Variants in ASTN2 observed in about 807,000 individuals in gnomAD.
ASTN2 encodes astrotactin 2.
A neutral mutation model predicts 139.8 loss-of-function variants in ASTN2; 54 were observed. That is an observed-to-expected ratio of 0.39 (90% CI 0.31 to 0.48). ASTN2 has a LOEUF of 0.48. Ranked by LOEUF, ASTN2 falls within the 20% of genes least tolerant of loss-of-function variation. ASTN2 has a pLI of 0.95. For synonymous variants in ASTN2, 756 were observed against 719.5 expected (o/e 1.05, Z -0.81); for missense variants, 1,565 against 1,725.1 (o/e 0.91, Z 1.64).
intron 1 of ASTN2, among the ~76,000 whole-genome samples, chr9:117,352,332 G>A (rs1226387887): frequency 1.3e-5 from 2 of 152,150 alleles, no homozygotes; most frequent in East Asian, 1.9e-4. Flanking sequence ...TGAGGAACAT[G>A]GGCCACCATC....
rs117059385 is a variant in ASTN2, at chr9:116,721,373, T to C, written c.2806+4398A>G. On this transcript the variant is annotated intron_variant, in intron 16 of 22. Coordinates refer to ENST00000313400, the MANE Select transcript of ASTN2 (RefSeq NM_001365068.1). ...TATACAGTGAACCCTCATCATGATA[T>C]AAAGCTCATGTATCATGATCACAGC... Among the ~76,000 whole-genome samples, 7 of 152,272 alleles carry C rather than the reference T, an allele frequency of 4.6e-5. No homozygotes were observed. In the East Asian group the frequency reaches 1.4e-3, roughly 29 times the overall value.
At chr9:117,228,785 C>T (rs180973533) in intron 2 of ASTN2, among the ~76,000 whole-genome samples, 7 of 151,978 alleles carry the variant, frequency 4.6e-5, no homozygotes, top group African/African-American at 1.5e-4. Context: ...GAGGCCGAGG[C>T]GGGTGGATCA....
At chr9:116,687,156 G>C (rs1426786175) in intron 16 of ASTN2, 1 of 1,071,956 alleles carries the variant, frequency 9.3e-7, no homozygotes, top group African/African-American at 1.6e-5. Flanking sequence ...GTGTCGCTAA[G>C]GCCCCGGGTT....
intron 5 of ASTN2, among the ~76,000 whole-genome samples, chr9:117,050,359 GAGC>G (rs771890386): frequency 3.4e-4 from 51 of 152,058 alleles, no homozygotes; most frequent in Non-Finnish European, 6.2e-4. Flanking sequence ...GTGAAAATAG[GAGC>G]AGGAGAATAA....
At chr9:116,752,863 A>G (rs1025779205) in intron 13 of ASTN2, among the ~76,000 whole-genome samples, 5 of 152,184 alleles carry the variant, frequency 3.3e-5, no homozygotes, top group Non-Finnish European at 7.4e-5. Context: ...AACATTAACA[A>G]CAACAAATGC....
intron 4 of ASTN2, among the ~76,000 whole-genome samples, chr9:117,110,758 G>T (rs1042908415): frequency 6.6e-5 from 10 of 152,308 alleles, no homozygotes; most frequent in Non-Finnish European, 1.2e-4. Flanking sequence ...CATCTTCAAG[G>T]TTCTTCCTTT....
intron 16 of ASTN2, among the ~76,000 whole-genome samples, chr9:116,673,450 T>C (rs1381223357): frequency 6.6e-6 from 1 of 152,224 alleles, no homozygotes; most frequent in African/African-American, 2.4e-5. Context: ...ATCAGTGGAA[T>C]TGTGTCCTCC....
At chr9:116,807,320 C>T (rs1831054484) in intron 12 of ASTN2, among the ~76,000 whole-genome samples, 1 of 152,114 alleles carries the variant, frequency 6.6e-6, no homozygotes, top group Non-Finnish European at 1.5e-5. Context: ...GAACTGGAGG[C>T]AGAAAGAAGA....
chr9:116,470,525 T>TA (rs1222730345), intron 20 of ASTN2, among the ~76,000 whole-genome samples: 22 of 152,266 alleles, frequency 1.4e-4, no homozygotes, highest in Non-Finnish European at 5.9e-5. Context: ...ATAGTGATAA[T>TA]AAAAAAACAC....
chr9:117,340,150 C>A (rs566293747), intron 1 of ASTN2, among the ~76,000 whole-genome samples: 1 of 151,542 alleles, frequency 6.6e-6, no homozygotes, highest in South Asian at 2.1e-4. Context: ...CCTGGTGAAA[C>A]ACTGTTTCTA....
In ASTN2 at chr9:116,849,551, T is replaced by C. The variant is rs7855564; in HGVS notation, c.2040+14032A>G. On this transcript the variant is annotated intron_variant, in intron 11 of 22. Coordinates refer to ENST00000313400, the MANE Select transcript of ASTN2 (RefSeq NM_001365068.1). ...CACCCTTTTTTTGAATACTGGGAGA[T>C]TAAGACTTAAAGAGGTTTAAAGCAA... Among the ~76,000 whole-genome samples the C allele has an allele frequency of 6.1e-3, 923 of 152,306 alleles. 8 individuals are homozygous for C. The highest frequency in any genetic ancestry group is 0.021 in the African/African-American group (866 of 41,570).
chr9:116,558,632 T>C (rs1226673210), intron 19 of ASTN2, among the ~76,000 whole-genome samples: 1 of 152,154 alleles, frequency 6.6e-6, no homozygotes, highest in Admixed American at 6.5e-5. Flanking sequence ...GGAAAAGTCA[T>C]GTTTCCTCAG....
chr9:117,014,010 G>A (rs1837606759), intron 6 of ASTN2, among the ~76,000 whole-genome samples: 1 of 152,094 alleles, frequency 6.6e-6, no homozygotes, highest in Non-Finnish European at 1.5e-5. Flanking sequence ...GACTGTTTTG[G>A]TCAAAAGTTT....
intron 20 of ASTN2, among the ~76,000 whole-genome samples, chr9:116,447,301 G>A (rs576507952): frequency 6.6e-6 from 1 of 152,258 alleles, no homozygotes; most frequent in African/African-American, 2.4e-5. Context: ...CGGTGCCCAT[G>A]CCATATGGTG....
At chr9:116,807,654 C>T (rs150879276) in intron 12 of ASTN2, among the ~76,000 whole-genome samples, 3 of 152,218 alleles carry the variant, frequency 2.0e-5, no homozygotes, top group African/African-American at 7.2e-5. Flanking sequence ...GTGAGTGTTT[C>T]ATAAAGTCTA....
At chr9:116,920,193 C>A (rs373451920) in intron 10 of ASTN2, among the ~76,000 whole-genome samples, 3 of 152,110 alleles carry the variant, frequency 2.0e-5, no homozygotes, top group Admixed American at 6.5e-5. Flanking sequence ...GATAAAGGAC[C>A]TTTTTCCTGA....
intron 17 of ASTN2, among the ~76,000 whole-genome samples, chr9:116,634,312 C>T (rs1321651850): frequency 6.6e-6 from 1 of 151,826 alleles, no homozygotes; most frequent in Non-Finnish European, 1.5e-5. Flanking sequence ...AAAATAGGGC[C>T]GGGCGCGGTG....
At chr9:117,112,064 C>G (rs1451677828) in intron 4 of ASTN2, among the ~76,000 whole-genome samples, 1 of 151,694 alleles carries the variant, frequency 6.6e-6, no homozygotes, top group East Asian at 1.9e-4. Context: ...CTCTCAAATA[C>G]TTAGTAATAT....
At chr9:116,565,387 CCATATATATATATATATATATATAT>C (rs1853158889) in intron 19 of ASTN2, among the ~76,000 whole-genome samples, 2 of 42,098 alleles carry the variant, frequency 4.8e-5, no homozygotes, top group Admixed American at 3.5e-4. Context: ...CTCTCTCTCT[CCATATATATATATATATATATATAT>C]ATATATATAT....
Sources: allele counts gnomAD v4.1 joint callset (sites outside exome capture counted in the v4.1 genomes callset), GRCh38; gene constraint gnomAD v4.1.1; transcripts MANE v1.5; gene names NCBI Gene and HGNC (gene_info 2026-07-23, HGNC 2026-07-21).